Variants in CSMD1 observed in about 807,000 individuals in gnomAD.
CSMD1 encodes CUB and Sushi multiple domains 1.
CSMD1 carries 213 observed loss-of-function variants against 417.5 expected under a neutral mutation model. That is an observed-to-expected ratio of 0.51 (90% CI 0.46 to 0.57). The LOEUF is 0.57. Among genes scored for constraint, CSMD1 ranks in the 20% least tolerant of loss-of-function variants. The pLI is 0.00. For synonymous variants in CSMD1, 2,862 were observed against 1,736.8 expected, an observed-to-expected ratio of 1.65 and a Z score of -16.11; for missense variants, 6,923 against 4,529.7, an observed-to-expected ratio of 1.53 and a Z score of -15.17.
At chr8:3,295,405 T>G (rs1321885575) in intron 25 of CSMD1, among the ~76,000 whole-genome samples, 1 of 152,048 alleles carries the variant, frequency 6.6e-6, no homozygotes, top group East Asian at 1.9e-4. Context: ...GGATTAGAGG[T>G]GTGAGCCACT....
At chr8:4,178,685 C>A (rs899591052) in intron 3 of CSMD1, among the ~76,000 whole-genome samples, 2 of 152,138 alleles carry the variant, frequency 1.3e-5, no homozygotes, top group African/African-American at 2.4e-5. Flanking sequence ...GAAAACCCCA[C>A]TGTCTCAGCC....
intron 3 of CSMD1, among the ~76,000 whole-genome samples, chr8:4,068,143 G>C (rs773909166): frequency 6.6e-6 from 1 of 152,138 alleles, no homozygotes; most frequent in Non-Finnish European, 1.5e-5. Context: ...CCACACAGAA[G>C]GGTCTATAGA....
chr8:3,892,887 G>T (rs1463555161), intron 5 of CSMD1, among the ~76,000 whole-genome samples: 2 of 151,914 alleles, frequency 1.3e-5, no homozygotes, highest in Non-Finnish European at 2.9e-5. Flanking sequence ...GGAGAGGATG[G>T]CAAGCGTTGA....
At chr8:3,986,358 T>C (rs1248863545) in intron 5 of CSMD1, among the ~76,000 whole-genome samples, 1 of 152,132 alleles carries the variant, frequency 6.6e-6, no homozygotes, top group East Asian at 1.9e-4. Context: ...CCCTGAGCAC[T>C]GAGACACCCC....
intron 3 of CSMD1, among the ~76,000 whole-genome samples, chr8:4,241,527 T>A (rs1042043358): frequency 6.6e-6 from 1 of 152,188 alleles, no homozygotes; most frequent in Non-Finnish European, 1.5e-5. Flanking sequence ...GGGCAGGGTC[T>A]CTAGTGCACC....
In CSMD1 at chr8:4,389,276, C is replaced by G. The variant is rs555365597; in HGVS notation, c.415+30677G>C. Reference sequence around the variant, plus strand: ...TTAAGCATAAATGAAGAATACAGAACCAGGAGAATTAGAAAATGCGATCAT... The same window carrying G: ...TTAAGCATAAATGAAGAATACAGAAGCAGGAGAATTAGAAAATGCGATCAT... On this transcript the variant is annotated intron_variant, in intron 3 of 69. Coordinates refer to ENST00000635120, the MANE Select transcript of CSMD1 (RefSeq NM_033225.6). Among the ~76,000 whole-genome samples, 20 of 152,138 alleles carry G rather than the reference C, an allele frequency of 1.3e-4. No homozygotes were observed. In the South Asian group the frequency reaches 2.9e-3, roughly 22 times the overall value.
chr8:4,219,487 C>G (rs755477534), intron 3 of CSMD1, among the ~76,000 whole-genome samples: 1 of 152,120 alleles, frequency 6.6e-6, no homozygotes, highest in Non-Finnish European at 1.5e-5. Context: ...AATTTCCTTC[C>G]GTCTCTTGGG....
chr8:4,916,448 T>G (rs1806073059), intron 1 of CSMD1, among the ~76,000 whole-genome samples: 1 of 152,234 alleles, frequency 6.6e-6, no homozygotes, highest in Admixed American at 6.5e-5. Context: ...AAATCAATTG[T>G]TTGTCAGGGA....
At chr8:3,810,551 A>G (rs570584006) in intron 5 of CSMD1, among the ~76,000 whole-genome samples, 1 of 152,248 alleles carries the variant, frequency 6.6e-6, no homozygotes, top group East Asian at 1.9e-4. Flanking sequence ...TCTGTAATCA[A>G]CCGAGGGTCA....
At chr8:3,375,738 G>A (rs183421237) in intron 18 of CSMD1, among the ~76,000 whole-genome samples, 8 of 152,138 alleles carry the variant, frequency 5.3e-5, no homozygotes, top group Non-Finnish European at 7.4e-5. Flanking sequence ...AAAAACCCTG[G>A]GGTCCTCACA....
chr8:4,774,964 C>T (rs1796774642), intron 1 of CSMD1, among the ~76,000 whole-genome samples: 2 of 152,232 alleles, frequency 1.3e-5, no homozygotes, highest in East Asian at 3.9e-4. Context: ...GCAAATTAAA[C>T]CCCTTTTGTT....
chr8:3,084,005 G>C (rs1285992882), intron 49 of CSMD1, among the ~76,000 whole-genome samples: 1 of 152,020 alleles, frequency 6.6e-6, no homozygotes, highest in Admixed American at 6.5e-5. Context: ...TCCCTTGGAA[G>C]GAAACAAATC....
intron 2 of CSMD1, among the ~76,000 whole-genome samples, chr8:4,469,857 C>T (rs1003918223): frequency 2.7e-5 from 4 of 149,578 alleles, no homozygotes; most frequent in Non-Finnish European, 5.9e-5. Context: ...GTGATCTGGC[C>T]TTTGGTTTTC....
At chr8:3,599,665 A>C (rs1006884476) in intron 8 of CSMD1, among the ~76,000 whole-genome samples, 5 of 152,226 alleles carry the variant, frequency 3.3e-5, no homozygotes, top group Non-Finnish European at 7.3e-5. Flanking sequence ...CTGCAGCTTT[A>C]TGCCTTTAAC....
At chr8:3,431,478 T>A (rs1814214003) in intron 12 of CSMD1, among the ~76,000 whole-genome samples, 1 of 152,178 alleles carries the variant, frequency 6.6e-6, no homozygotes, top group African/African-American at 2.4e-5. Flanking sequence ...TAACTGGTAT[T>A]CATCTTGCCG....
rs139071683 is a variant in CSMD1 at position 3,287,796 on chromosome 8, C to A, written c.3951-3450G>T. On this transcript the variant is annotated intron_variant, in intron 25 of 69. Transcript: ENST00000635120. Reference sequence around the variant, plus strand: ...TTTCCTAATTGAATACTCTTTATTTCCTCCAGCTGCCTGATTGCCCTGGCC... The same window carrying A: ...TTTCCTAATTGAATACTCTTTATTTACTCCAGCTGCCTGATTGCCCTGGCC... Among the ~76,000 whole-genome samples, 203 of 152,038 alleles carry A rather than the reference C, an allele frequency of 1.3e-3. 1 individual carries two copies. Among genetic ancestry groups the A allele is most frequent in the African/African-American group, 4.5e-3 (185 of 41,382 alleles).
At chr8:3,808,583 A>G (rs1454293633) in intron 5 of CSMD1, among the ~76,000 whole-genome samples, 1 of 152,200 alleles carries the variant, frequency 6.6e-6, no homozygotes, top group Non-Finnish European at 1.5e-5. Context: ...CTCATGTTTG[A>G]AAATAATTGC....
chr8:3,320,628 G>A (rs1357538202), intron 23 of CSMD1, among the ~76,000 whole-genome samples: 1 of 152,180 alleles, frequency 6.6e-6, no homozygotes, highest in Non-Finnish European at 1.5e-5. Flanking sequence ...AGAAGTGACA[G>A]CCTCAACTAG....
chr8:4,754,611 G>A (rs559348599), intron 1 of CSMD1, among the ~76,000 whole-genome samples: 2 of 151,942 alleles, frequency 1.3e-5, no homozygotes, highest in Non-Finnish European at 2.9e-5. Context: ...TAGAACTTTG[G>A]GAGGCAGAGG....
Sources: gnomAD v4.1 joint callset for allele counts (sites outside exome capture counted in the v4.1 genomes callset) on GRCh38, gnomAD v4.1.1 for gene constraint, MANE v1.5 for transcripts, NCBI Gene and HGNC (gene_info 2026-07-23, HGNC 2026-07-21) for gene names.